The following GTF3C1 variants were observed in gnomAD, a reference collection of about 807,000 sequenced individuals.
GTF3C1 encodes general transcription factor 3C polypeptide 1.
Under a neutral mutation model 226.7 loss-of-function variants are expected in GTF3C1, and 57 were observed. The ratio of observed to expected loss-of-function variants is 0.25; its 90% CI spans 0.20 to 0.31. The LOEUF (loss-of-function observed/expected upper bound fraction) is 0.31, where lower values mean the gene tolerates loss of function less well. Ranked by LOEUF, GTF3C1 falls within the 10% of genes least tolerant of loss-of-function variation. GTF3C1 has a pLI of 1.00. For missense variants in GTF3C1, 2,217 were observed against 2,776.1 expected (o/e 0.80, Z 4.53); for synonymous variants, 1,090 against 1,084.8 (o/e 1.00, Z -0.09).
intron 20 of GTF3C1, 141 bp from the exon 21 acceptor site, chr16:27,489,319 C>G: frequency 1.1e-6 from 1 of 885,698 alleles, no homozygotes; most frequent in African/African-American, 1.7e-5. Flanking sequence ...CAATGAAGAA[C>G]TTGGGGGCCC....
At chr16:27,511,694 T>C in intron 7 of GTF3C1, 55 bp downstream of exon 7, 1 of 1,590,264 alleles carries the variant, frequency 6.3e-7, no homozygotes, top group South Asian at 1.1e-5. Flanking sequence ...GCAAAGCGCT[T>C]CTTGACTCAA....
chr16:27,470,562 C>G lies in GTF3C1; in HGVS notation c.4527-167G>C. The G allele has an allele frequency of 1.6e-6, 1 of 618,562 alleles. No individual in the cohort carries two copies. The highest frequency in any genetic ancestry group is 1.9e-5 in the South Asian group (1 of 51,564). 38.3% of individuals were successfully genotyped at this position (618,562 alleles called of 1,614,324 possible). On this transcript the variant is annotated intron_variant, in intron 30 of 36. Transcript: ENST00000356183. This position sits in a 1 kb window ranked among gnomAD's most constrained non-coding sequence, Gnocchi z 4.9. ...CCCAGATGAAGGTGCTGCATTCCCA[C>G]CTAGCGGTGTTTGTGTCTCTCTTCC...
chr16:27,547,672 C>CT (rs533372837), intron 1 of GTF3C1, among the ~76,000 whole-genome samples: 24 of 151,482 alleles, frequency 1.6e-4, no homozygotes, highest in African/African-American at 3.6e-4. Context: ...AAAGGATAAG[C>CT]TTTTTTTTTG....
At chr16:27,508,262 C>T (rs1056323255) in intron 8 of GTF3C1, among the ~76,000 whole-genome samples, 8 of 152,238 alleles carry the variant, frequency 5.3e-5, no homozygotes, top group Admixed American at 4.6e-4. Context: ...CCCCCTACCT[C>T]AGCCTCCCAA....
chr16:27,488,110 G>C, intron 23 of GTF3C1, 117 bp downstream of exon 23: 1 of 813,898 alleles, frequency 1.2e-6, no homozygotes, highest in Admixed American at 2.3e-5. Context: ...CACATCGAGG[G>C]AAGGCGGAAA....
intron 6 of GTF3C1, among the ~76,000 whole-genome samples, chr16:27,524,828 T>C (rs1376531842): frequency 1.3e-5 from 2 of 152,166 alleles, no homozygotes; most frequent in Non-Finnish European, 1.5e-5. Flanking sequence ...AGGCCATGAG[T>C]ATTTAGGTAT....
chr16:27,547,004 A>C (rs2089174946), intron 1 of GTF3C1, among the ~76,000 whole-genome samples: 1 of 151,948 alleles, frequency 6.6e-6, no homozygotes, highest in Admixed American at 6.6e-5. Context: ...GGCCTCCCAA[A>C]GTGCTGGGAT....
At chr16:27,511,028 A>G (rs995275884) in intron 7 of GTF3C1, among the ~76,000 whole-genome samples, 10 of 152,216 alleles carry the variant, frequency 6.6e-5, no homozygotes, top group Non-Finnish European at 1.3e-4. Context: ...TACTTTCACC[A>G]CGTGATGGTT....
At chr16:27,490,773 C>T (rs1169431643) in intron 19 of GTF3C1, among the ~76,000 whole-genome samples, 3 of 152,168 alleles carry the variant, frequency 2.0e-5, no homozygotes, top group African/African-American at 7.2e-5. Flanking sequence ...AATGTTCATG[C>T]AGCACCTGCT....
intron 10 of GTF3C1, among the ~76,000 whole-genome samples, chr16:27,504,765 A>T (rs2088458434): frequency 6.6e-6 from 1 of 152,062 alleles, no homozygotes. Flanking sequence ...AAATACAAAA[A>T]TTAGCCAGGC....
intron 7 of GTF3C1, among the ~76,000 whole-genome samples, chr16:27,510,638 C>T (rs1332896898): frequency 6.6e-6 from 1 of 152,174 alleles, no homozygotes; most frequent in East Asian, 1.9e-4. Context: ...AAGGGAGCTA[C>T]CAAACAGCCC....
intron 24 of GTF3C1, among the ~76,000 whole-genome samples, chr16:27,485,006 C>A (rs1282051338): frequency 1.3e-5 from 2 of 152,216 alleles, no homozygotes. Flanking sequence ...AGGGACGCCC[C>A]ACTTACCCAT....
intron 6 of GTF3C1, among the ~76,000 whole-genome samples, chr16:27,525,847 C>A (rs1157796090): frequency 6.6e-6 from 1 of 152,242 alleles, no homozygotes; most frequent in East Asian, 1.9e-4. Flanking sequence ...AATAACTGCA[C>A]TTTTTGCCAT....
rs964355578 is a variant in GTF3C1 at position 27,471,032 on chromosome 16, G to A, written c.4527-637C>T. Among the ~76,000 whole-genome samples, 19 of 152,344 alleles carry A rather than the reference G, an allele frequency of 1.2e-4. No individual in the cohort carries two copies. The highest frequency in any genetic ancestry group is 9.6e-4 in the East Asian group (5 of 5,190). ...CTTCCCAGAGGCCTGAGGGTCATTC[G>A]GGGTCAGGGTCTGGGGAGGAGGAAG... On this transcript the variant is annotated intron_variant, in intron 30 of 36. Coordinates refer to ENST00000356183, the MANE Select transcript of GTF3C1 (RefSeq NM_001520.4). This position sits in a 1 kb window ranked among gnomAD's most constrained non-coding sequence, Gnocchi z 5.0.
chr16:27,540,102 T>G (rs1185531357), intron 2 of GTF3C1, among the ~76,000 whole-genome samples: 1 of 152,182 alleles, frequency 6.6e-6, no homozygotes, highest in Non-Finnish European at 1.5e-5. Flanking sequence ...CTCAACTCAG[T>G]CTGACAGTTT....
chr16:27,502,765 G>A, intron 11 of GTF3C1, 94 bp downstream of exon 11: 1 of 1,258,364 alleles, frequency 7.9e-7, no homozygotes, highest in Non-Finnish European at 1.1e-6. Flanking sequence ...AGATTTGAAT[G>A]CCCCTCAGTG....
At position 27,461,250 on chromosome 16, in the gene GTF3C1, T is replaced by C. The variant is rs577093121; in HGVS notation, c.*100A>G. 1.4e-6 allele frequency: 1 copy of C among 710,330 alleles called. No homozygotes were observed. The highest frequency in any genetic ancestry group is 2.7e-5 in the East Asian group (1 of 37,356). 44.0% of individuals were successfully genotyped at this position (710,330 alleles called of 1,614,324 possible). A position where few individuals can be genotyped will look rare whatever the true frequency, so the allele number is the denominator to read the frequency against. On this transcript the variant is annotated 3_prime_UTR_variant, in exon 37 of 37. Transcript: ENST00000356183. This position sits in a 1 kb window ranked among gnomAD's most constrained non-coding sequence, Gnocchi z 5.3. Reference sequence around the variant, plus strand: ...GCACCCGTCCCCTGCTGCAGGAGGCTCGGCAGACCCAAGGCCAGGGCACAG... The same window carrying C: ...GCACCCGTCCCCTGCTGCAGGAGGCCCGGCAGACCCAAGGCCAGGGCACAG...
chr16:27,481,452 C>T (rs2088046699), intron 26 of GTF3C1, among the ~76,000 whole-genome samples: 1 of 152,140 alleles, frequency 6.6e-6, no homozygotes, highest in Non-Finnish European at 1.5e-5. Context: ...CAGCCTCACC[C>T]TGCATCGCTG....
chr16:27,506,122 G>A lies in GTF3C1; in HGVS notation c.1553-6C>T, dbSNP rs1475771561. 6 of 1,560,296 alleles carry A rather than the reference G, an allele frequency of 3.8e-6. No individual in the cohort carries two copies. The highest frequency in any genetic ancestry group is 5.3e-6 in the Non-Finnish European group (6 of 1,131,572). Reference sequence around the variant, plus strand: ...GTTTACAACTTTCCACCCACCTGTGGTGGAGGGAAGAGATAGAACAAATCA... The same window carrying A: ...GTTTACAACTTTCCACCCACCTGTGATGGAGGGAAGAGATAGAACAAATCA... On this transcript the variant is annotated splice_polypyrimidine_tract_variant and splice_region_variant and intron_variant, in intron 9 of 36. Transcript: ENST00000356183.
Sources: gnomAD v4.1 joint callset for allele counts (sites outside exome capture counted in the v4.1 genomes callset) on GRCh38, gnomAD v4.1.1 for gene constraint, Gnocchi (gnomAD v3.1) non-coding constraint, MANE v1.5 for transcripts, NCBI Gene and HGNC (gene_info 2026-07-23, HGNC 2026-07-21) for gene names.